The following SNAP91 variants were observed in gnomAD, a reference collection of about 807,000 sequenced individuals.
SNAP91 encodes clathrin coat assembly protein AP180.
Under a neutral mutation model 100.3 loss-of-function variants are expected in SNAP91, and 27 were observed. The ratio of observed to expected loss-of-function variants is 0.27; its 90% CI spans 0.20 to 0.37. The LOEUF is 0.37. Ranked by LOEUF, SNAP91 falls within the 10% of genes least tolerant of loss-of-function variation. The pLI is 1.00. For missense variants in SNAP91, 986 were observed against 1,123.7 expected (o/e 0.88, Z 1.75); for synonymous variants, 404 against 398.6 (o/e 1.01, Z -0.16).
Position 83,560,233 on chromosome 6 carries a change from T to C in SNAP91, c.2527-25A>G, listed in dbSNP as rs1364925444. On this transcript the variant is annotated intron_variant, in intron 27 of 29. Transcript: ENST00000369694. ...GCTGAGGAGGAAGAATGGAGAGTGG[T>C]TCAGAGCATGAGTGGAACTCACTAG... is the stretch of plus-strand genomic sequence containing the variant. The C allele has an allele frequency of 1.9e-6, 3 of 1,572,008 alleles. 1 individual carries two copies. The South Asian group carries it at 3.3e-5, about 18-fold the overall frequency.
At chr6:83,651,804 C>T (rs2098219730) in intron 7 of SNAP91, among the ~76,000 whole-genome samples, 1 of 152,100 alleles carries the variant, frequency 6.6e-6, no homozygotes, top group Non-Finnish European at 1.5e-5. Flanking sequence ...TACTGATTTT[C>T]TGCCTCCTGA....
intron 8 of SNAP91, among the ~76,000 whole-genome samples, chr6:83,631,307 T>C (rs2097196359): frequency 6.6e-6 from 1 of 152,168 alleles, no homozygotes. Flanking sequence ...GAAAAGAATG[T>C]ATATTCTGTG....
chr6:83,672,874 A>C (rs2098807926), intron 2 of SNAP91, among the ~76,000 whole-genome samples: 1 of 152,094 alleles, frequency 6.6e-6, no homozygotes, highest in South Asian at 2.1e-4. Context: ...ATCTCTCCCT[A>C]AGTTTAATTA....
intron 23 of SNAP91, 66 bp from the exon 24 acceptor site, chr6:83,580,665 G>A: frequency 7.0e-7 from 1 of 1,419,010 alleles, no homozygotes; most frequent in Non-Finnish European, 9.5e-7. Context: ...CGAAATTAAA[G>A]TAAAACTCTC....
At chr6:83,702,328 A>G (rs1254519414) in intron 2 of SNAP91, among the ~76,000 whole-genome samples, 2 of 152,136 alleles carry the variant, frequency 1.3e-5, no homozygotes, top group Non-Finnish European at 1.5e-5. Flanking sequence ...CTTCTTTACC[A>G]AGATAAGCTC....
chr6:83,627,830 G>A (rs1276099478), intron 8 of SNAP91, among the ~76,000 whole-genome samples: 1 of 151,664 alleles, frequency 6.6e-6, no homozygotes, highest in Non-Finnish European at 1.5e-5. Context: ...TATGTTTTGG[G>A]GGTGTCAATT....
intron 3 of SNAP91, among the ~76,000 whole-genome samples, chr6:83,663,929 T>G (rs1046868375): frequency 1.3e-5 from 2 of 152,214 alleles, no homozygotes; most frequent in African/African-American, 4.8e-5. Context: ...TGACATGAAG[T>G]GAAAGTCAAT....
chr6:83,701,247 T>C (rs1337651371), intron 2 of SNAP91, among the ~76,000 whole-genome samples: 2 of 151,998 alleles, frequency 1.3e-5, no homozygotes, highest in Non-Finnish European at 2.9e-5. Context: ...TGAAAATACT[T>C]ATAAGAGAGA....
chr6:83,708,229 G>C, intron 1 of SNAP91: 1 of 350,402 alleles, frequency 2.9e-6, no homozygotes, highest in Non-Finnish European at 5.1e-6. Context: ...CCCACATAGG[G>C]CCAGACTCAC....
chr6:83,686,114 T>C, intron 2 of SNAP91: 1 of 955,272 alleles, frequency 1.0e-6, no homozygotes, highest in Non-Finnish European at 1.2e-6. Context: ...ACCTGGAACA[T>C]ACTCTGCTTT....
At chr6:83,680,411 G>A (rs998907963) in intron 2 of SNAP91, among the ~76,000 whole-genome samples, 2 of 151,944 alleles carry the variant, frequency 1.3e-5, no homozygotes, top group East Asian at 1.9e-4. Flanking sequence ...ACATTCCATC[G>A]AAAACTCACT....
intron 12 of SNAP91, 55 bp from the exon 13 acceptor site, chr6:83,607,863 G>A (rs2095734896): frequency 1.9e-6 from 2 of 1,067,258 alleles, no homozygotes; most frequent in Non-Finnish European, 2.7e-6. Context: ...ACAGGACACA[G>A]GGCAGCAGGA....
chr6:83,673,769 C>A (rs984660299), intron 2 of SNAP91, among the ~76,000 whole-genome samples: 30 of 152,234 alleles, frequency 2.0e-4, no homozygotes, highest in African/African-American at 7.2e-4. Flanking sequence ...CCCATCCCTT[C>A]TCTGCCCATC....
intron 11 of SNAP91, among the ~76,000 whole-genome samples, chr6:83,611,737 C>T (rs111627147): frequency 0.028 from 4,306 of 151,618 alleles, 77 homozygotes; most frequent in East Asian, 0.057. Context: ...CACTCTGTCA[C>T]CCAGGCTGGA....
chr6:83,571,726 TG>T (rs1808175005), intron 26 of SNAP91, among the ~76,000 whole-genome samples: 1 of 152,190 alleles, frequency 6.6e-6, no homozygotes, highest in Non-Finnish European at 1.5e-5. Context: ...GGTGGACTGT[TG>T]GGAAGGCATG....
At chr6:83,610,112 ACC>A (rs1046958944) in intron 12 of SNAP91, among the ~76,000 whole-genome samples, 3 of 152,136 alleles carry the variant, frequency 2.0e-5, no homozygotes, top group African/African-American at 7.2e-5. Flanking sequence ...CTGGGTATAT[ACC>A]CCCAAAGAAT....
At chr6:83,633,148 T>C (rs1006171489) in intron 8 of SNAP91, among the ~76,000 whole-genome samples, 1 of 152,168 alleles carries the variant, frequency 6.6e-6, no homozygotes, top group African/African-American at 2.4e-5. Context: ...GTGATTGTTA[T>C]CTCTCTTCTG....
chr6:83,555,590 C>T (rs553720509), intron 29 of SNAP91, among the ~76,000 whole-genome samples: 7 of 152,232 alleles, frequency 4.6e-5, no homozygotes, highest in South Asian at 2.1e-4. Flanking sequence ...TTCCTTCATT[C>T]GTTTCCTTCC....
intron 2 of SNAP91, among the ~76,000 whole-genome samples, chr6:83,688,377 A>G (rs1236400581): frequency 3.9e-5 from 6 of 152,210 alleles, no homozygotes; most frequent in Non-Finnish European, 7.3e-5. Context: ...TAGGGCTGAC[A>G]TCAGTGATTC....
Sources: gnomAD v4.1 joint callset for allele counts (sites outside exome capture counted in the v4.1 genomes callset) on GRCh38, gnomAD v4.1.1 for gene constraint, MANE v1.5 for transcripts, NCBI Gene and HGNC (gene_info 2026-07-23, HGNC 2026-07-21) for gene names.